The following ZBTB2 variants were observed in gnomAD, a reference collection of about 807,000 sequenced individuals.
ZBTB2 encodes zinc finger and BTB domain-containing protein 2.
In ZBTB2, 2 loss-of-function variants were observed where a neutral mutation model predicts 39.5. The observed-to-expected ratio is 0.05, with a 90% CI of 0.02 to 0.16. The LOEUF (loss-of-function observed/expected upper bound fraction) is 0.16. ZBTB2 is among the 10% of genes least tolerant of loss of function. The pLI is 1.00. For missense variants in ZBTB2, 391 were observed against 653.0 expected, an observed-to-expected ratio of 0.60 and a Z score of 4.37; for synonymous variants, 251 against 256.6, an observed-to-expected ratio of 0.98 and a Z score of 0.21.
intron 1 of ZBTB2, among the ~76,000 whole-genome samples, chr6:151,381,554 AAAAT>A: frequency 6.6e-6 from 1 of 151,540 alleles, no homozygotes; most frequent in South Asian, 2.1e-4. Flanking sequence ...AAATAAAAAT[AAAAT>A]AAATAAATAA....
In ZBTB2 at chr6:151,365,611, G is replaced by A. The variant is rs747232858; in HGVS notation, c.1455C>T (p.Leu485=). The A allele has an allele frequency of 2.5e-6, 4 of 1,614,128 alleles. No individual in the cohort carries two copies. In the East Asian group the frequency reaches 6.7e-5, roughly 27 times the overall value. Residue 485 remains leucine, a synonymous_variant, in exon 3 of 3, where the codon CTC becomes CTT. Transcript: ENST00000325144. This position sits in a 1 kb window ranked among gnomAD's most constrained non-coding sequence, Gnocchi z 5.6. ...VFALDEGRSI[L]LGSGDSEVTE... is the part of the protein sequence containing the mutation. ...TTACTTCCGAGTCCCCACTGCCCAG[G>A]AGAATGGATCGCCCTTCGTCTAGGG... is the stretch of plus-strand genomic sequence containing the variant.
chr6:151,387,756 G>C (rs1779192184), intron 1 of ZBTB2, among the ~76,000 whole-genome samples: 1 of 152,096 alleles, frequency 6.6e-6, no homozygotes, highest in South Asian at 2.1e-4. Context: ...ACACTCAAAG[G>C]CATGTGATGC....
At chr6:151,387,323 T>C (rs1369838408) in intron 1 of ZBTB2, among the ~76,000 whole-genome samples, 1 of 152,198 alleles carries the variant, frequency 6.6e-6, no homozygotes, top group East Asian at 1.9e-4. Flanking sequence ...AAATATCGGC[T>C]CACTGAATTA....
chr6:151,373,381 G>A (rs1778828642), intron 2 of ZBTB2, 84 bp downstream of exon 2: 2 of 1,480,494 alleles, frequency 1.4e-6, no homozygotes, highest in Non-Finnish European at 1.9e-6. Flanking sequence ...GAGACGTAGA[G>A]AGACCCATGG....
At chr6:151,382,418 G>T (rs1285034895) in intron 1 of ZBTB2, among the ~76,000 whole-genome samples, 2 of 151,870 alleles carry the variant, frequency 1.3e-5, no homozygotes, top group African/African-American at 2.4e-5. Context: ...ACCACCCCTG[G>T]CTAATTTTGT....
intron 2 of ZBTB2, among the ~76,000 whole-genome samples, chr6:151,367,640 C>A (rs1053471068): frequency 1.3e-5 from 2 of 152,132 alleles, no homozygotes; most frequent in Non-Finnish European, 2.9e-5. Flanking sequence ...GTATTTGAAA[C>A]AATGTTTGTC....
intron 1 of ZBTB2, among the ~76,000 whole-genome samples, chr6:151,379,453 C>A (rs966229731): frequency 4.0e-5 from 6 of 151,756 alleles, no homozygotes; most frequent in Non-Finnish European, 7.4e-5. Context: ...CCAGCCTGGG[C>A]AACATGGAGA....
rs780314072 is a variant in ZBTB2 at position 151,366,598 on chromosome 6, C to A, written c.468G>T (p.Gly156=). The change falls in exon 3 of 3, where the codon GGG becomes GGT. Residue 156 remains glycine (G), a synonymous_variant. Transcript: ENST00000325144. The surrounding 1 kb of genome is among the most constrained non-coding windows in gnomAD (Gnocchi z 7.1). ...TGGAGGTCTGTGGCCGTGGATCTCG[C>A]CCGAGTTTTTCAGGTGCTGAAGCAA... is the stretch of plus-strand genomic sequence containing the variant. ...TKIASAPEKL[G]RDPRPQTSRI... is the part of the protein sequence containing the mutation. 1 of 1,613,994 alleles carries A rather than the reference C, an allele frequency of 6.2e-7. No individual in the cohort carries two copies. The highest frequency in any genetic ancestry group is 1.1e-5 in the South Asian group (1 of 91,058).
chr6:151,388,959 G>A (rs1779224034), intron 1 of ZBTB2, among the ~76,000 whole-genome samples: 1 of 152,150 alleles, frequency 6.6e-6, no homozygotes, highest in African/African-American at 2.4e-5. Context: ...AGTGTAGACT[G>A]CTCCTCCACT....
intron 1 of ZBTB2, among the ~76,000 whole-genome samples, chr6:151,388,426 T>G (rs1202033498): frequency 1.3e-5 from 2 of 152,244 alleles, no homozygotes; most frequent in African/African-American, 4.8e-5. Context: ...CTTCTCTATT[T>G]TGTAAGTCTC....
intron 1 of ZBTB2, among the ~76,000 whole-genome samples, chr6:151,373,867 A>AC (rs1233388050): frequency 5.6e-4 from 84 of 149,116 alleles, no homozygotes; most frequent in South Asian, 2.4e-3. Context: ...AAAAAAAAAA[A>AC]AAAAAAAAAA....
intron 1 of ZBTB2, among the ~76,000 whole-genome samples, chr6:151,379,636 TG>T (rs1778987480): frequency 1.3e-5 from 1 of 79,222 alleles, no homozygotes; most frequent in African/African-American, 6.5e-5. Flanking sequence ...AGACCCTGTC[TG>T]AAAAAAAAAA....
intron 1 of ZBTB2, among the ~76,000 whole-genome samples, chr6:151,380,018 T>C (rs1442156047): frequency 1.3e-5 from 2 of 152,076 alleles, no homozygotes; most frequent in East Asian, 3.9e-4. Context: ...AATTTAGGAA[T>C]TTAAGAGAGT....
chr6:151,380,085 T>C (rs998151207), intron 1 of ZBTB2, among the ~76,000 whole-genome samples: 1 of 151,236 alleles, frequency 6.6e-6, no homozygotes, highest in Non-Finnish European at 1.5e-5. Context: ...GGAAACACAC[T>C]GAACATAAGC....
chr6:151,373,754 A>ATG, intron 1 of ZBTB2, 105 bp from the exon 2 acceptor site: 1 of 1,075,024 alleles, frequency 9.3e-7, no homozygotes, highest in Non-Finnish European at 1.3e-6. Context: ...CATCATAGCT[A>ATG]ACGTGTCAGG....
Position 151,366,738 on chromosome 6 carries a change from C to T in ZBTB2, c.328G>A (p.Glu110Lys), listed in dbSNP as rs991826089. Residue 110 changes from glutamate (E) to lysine (K), a missense_variant, in exon 3 of 3, where the codon GAA becomes AAA. Glu to Lys is a moderately conservative substitution (Grantham distance 56, BLOSUM62 1). Coordinates refer to ENST00000325144, the MANE Select transcript of ZBTB2 (RefSeq NM_020861.3). This position sits in a 1 kb window ranked among gnomAD's most constrained non-coding sequence, Gnocchi z 7.1. Reference sequence around the variant, plus strand: ...GCTCCCTGGCTGGCGAGGCTGGCTTCCTGAATGAGCGGGTAGGCGTGCAGA... The same window carrying T: ...GCTCCCTGGCTGGCGAGGCTGGCTTTCTGAATGAGCGGGTAGGCGTGCAGA... ...KFLHAYPLIQ[E>K]ASLASQGAFS... The T allele has an allele frequency of 1.2e-6, 2 of 1,613,988 alleles. No homozygotes were observed. Among genetic ancestry groups the T allele is most frequent in the African/African-American group, 2.7e-5 (2 of 74,906 alleles).
chr6:151,381,673 CT>C (rs778403044), intron 1 of ZBTB2, among the ~76,000 whole-genome samples: 53 of 152,368 alleles, frequency 3.5e-4, no homozygotes, highest in Admixed American at 9.1e-4. Context: ...GCATCCCATA[CT>C]CTGGTGCTAA....
intron 1 of ZBTB2, among the ~76,000 whole-genome samples, chr6:151,373,868 A>AGC (rs1337227355): frequency 6.8e-6 from 1 of 146,852 alleles, no homozygotes; most frequent in South Asian, 2.2e-4. Flanking sequence ...AAAAAAAAAA[A>AGC]AAAAAAAAAC....
At chr6:151,379,710 G>T (rs1778990777) in intron 1 of ZBTB2, among the ~76,000 whole-genome samples, 1 of 150,126 alleles carries the variant, frequency 6.7e-6, no homozygotes, top group South Asian at 2.1e-4. Context: ...AATAGGCCCT[G>T]TGTCACATAT....
Sources: gnomAD v4.1 joint callset for allele counts (sites outside exome capture counted in the v4.1 genomes callset) on GRCh38, gnomAD v4.1.1 for gene constraint, Gnocchi (gnomAD v3.1) non-coding constraint, MANE v1.5 for transcripts, NCBI Gene and HGNC (gene_info 2026-07-23, HGNC 2026-07-21) for gene names.